The following SVEP1 variants were observed in gnomAD, a reference collection of about 807,000 sequenced individuals.
The protein encoded by SVEP1 is sushi, von Willebrand factor type A, EGF and pentraxin domain-containing protein 1.
Under a neutral mutation model 367.3 loss-of-function variants are expected in SVEP1, and 164 were observed. That is an observed-to-expected ratio of 0.45 (90% CI 0.39 to 0.51). The LOEUF is 0.51. Among genes scored for constraint, SVEP1 ranks in the 20% least tolerant of loss-of-function variants. The probability of loss-of-function intolerance (pLI) is 0.00; values close to 1 mark genes in which losing one functional copy is unlikely to be tolerated. For synonymous variants in SVEP1, 1,666 were observed against 1,611.6 expected, an observed-to-expected ratio of 1.03 and a Z score of -0.81; for missense variants, 4,117 against 4,425.3, an observed-to-expected ratio of 0.93 and a Z score of 1.98.
At chr9:110,393,559 C>A (rs945671069) in intron 40 of SVEP1, among the ~76,000 whole-genome samples, 9 of 152,212 alleles carry the variant, frequency 5.9e-5, no homozygotes, top group Non-Finnish European at 1.3e-4. Context: ...CAGAATGAGG[C>A]ATCGCCTCAC....
rs377500980 is a variant in SVEP1, at chr9:110,476,897, C to T, written c.2488-582G>A. On this transcript the variant is annotated intron_variant, in intron 13 of 47. Transcript: ENST00000374469. ...TTCCAGATCAAACTCCCTCATATCC[C>T]CTTAAAGGCTCACAGTTCTGAAGCT... 9.9e-5 allele frequency among the ~76,000 whole-genome samples: 15 copies of T among 152,262 alleles called. No homozygotes were observed. In the East Asian group the frequency reaches 2.9e-3, roughly 29 times the overall value.
Position 110,390,341 on chromosome 9 carries a change from T to TTATATATATAATTATATAAGTA in SVEP1, c.9823-755_9823-754insTACTTATATAATTATATATATA. ...TATATATACTTATATATACACATAC[T>TTATATATATAATTATATAAGTA]TATATACACTTATATATATATACTT... On this transcript the variant is annotated intron_variant, in intron 40 of 47. Coordinates refer to ENST00000374469, the MANE Select transcript of SVEP1 (RefSeq NM_153366.4). 6.6e-5 allele frequency among the ~76,000 whole-genome samples: 2 copies of TTATATATATAATTATATAAGTA among 30,424 alleles called. 1 individual carries two copies. Among genetic ancestry groups the TTATATATATAATTATATAAGTA allele is most frequent in the Non-Finnish European group, 1.2e-4 (2 of 16,824 alleles). The allele number at this position is 30,424 out of a possible 152,430, so 20.0% of individuals were successfully genotyped here.
At chr9:110,539,356 G>C (rs1169040015) in intron 3 of SVEP1, among the ~76,000 whole-genome samples, 2 of 152,136 alleles carry the variant, frequency 1.3e-5, no homozygotes, top group Admixed American at 6.6e-5. Flanking sequence ...GAATAAAGGA[G>C]AGGTCAAGTC....
At chr9:110,446,728 G>T (rs1828606288) in intron 25 of SVEP1, among the ~76,000 whole-genome samples, 172 bp downstream of exon 25, 1 of 152,112 alleles carries the variant, frequency 6.6e-6, no homozygotes, top group African/African-American at 2.4e-5. Context: ...TGCCACTGAG[G>T]ATAATAGTAG....
chr9:110,438,250 G>A (rs1031327181), intron 27 of SVEP1, among the ~76,000 whole-genome samples: 4 of 137,304 alleles, frequency 2.9e-5, no homozygotes, highest in East Asian at 2.3e-4. Flanking sequence ...GCAGTGGTGC[G>A]ATCTCAGCTC....
chr9:110,488,034 G>C (rs190417991), intron 9 of SVEP1, among the ~76,000 whole-genome samples: 202 of 152,302 alleles, frequency 1.3e-3, no homozygotes, highest in Non-Finnish European at 2.2e-3. Context: ...TCAAAGGACT[G>C]ATCCGCAGCG....
chr9:110,529,134 C>G (rs1829983769), intron 3 of SVEP1, among the ~76,000 whole-genome samples: 1 of 152,048 alleles, frequency 6.6e-6, no homozygotes, highest in South Asian at 2.1e-4. Context: ...AATAGGGTGT[C>G]CTTTCCCCAG....
intron 21 of SVEP1, 86 bp downstream of exon 21, chr9:110,457,170 T>G (rs376759422): frequency 2.8e-6 from 3 of 1,075,026 alleles, no homozygotes; most frequent in Non-Finnish European, 4.0e-6. Context: ...TTATCGGATA[T>G]AGTTAATGTA....
At position 110,510,410 on chromosome 9, in the gene SVEP1, T is replaced by G. The variant is rs551600210; in HGVS notation, c.1303+2516A>C. Among the ~76,000 whole-genome samples the G allele has an allele frequency of 5.3e-5, 8 of 152,328 alleles. No homozygotes were observed. The East Asian group carries it at 1.5e-3, about 29-fold the overall frequency. Reference sequence around the variant, plus strand: ...TGCATGGTGACTGTGCTTCCTTGACTGACCCTGACACATAGCATAAGAAAC... The same window carrying G: ...TGCATGGTGACTGTGCTTCCTTGACGGACCCTGACACATAGCATAAGAAAC... On this transcript the variant is annotated intron_variant, in intron 5 of 47. Coordinates refer to ENST00000374469, the MANE Select transcript of SVEP1 (RefSeq NM_153366.4).
chr9:110,466,007 G>A lies in SVEP1; in HGVS notation c.3180C>T (p.Thr1060=). The A allele has an allele frequency of 6.2e-7, 1 of 1,613,358 alleles. No individual in the cohort carries two copies. The highest frequency in any genetic ancestry group is 2.2e-5 in the East Asian group (1 of 44,878). The change falls in exon 18 of 48, where the codon ACC becomes ACT. Residue 1060 remains threonine (T), a synonymous_variant. Transcript: ENST00000374469. ...AAGTCTCAAGTCCACTGTATGAGTA[G>A]GTGCCTTGTTTACACTGAGCTGAAA... ...SDCKAQCKQG[T]YSYSGLETCE...
At position 110,445,976 on chromosome 9, in the gene SVEP1, C is replaced by T. The variant is rs1264875312; in HGVS notation, c.4324G>A (p.Asp1442Asn). The stretch of plus-strand genomic sequence containing the variant: ...GCATGGAGAGATGGGAGCATGCCAT[C>T]TAGCATGACATATCCATAGATGCCA... Reference protein sequence around the residue: ...VSGIYGYVMLDGMLPSLHALT... With the variant: ...VSGIYGYVMLNGMLPSLHALT... The change falls in exon 26 of 48, where the codon GAT becomes AAT. Residue 1442 changes from aspartate to asparagine, a missense_variant. Physicochemically the swap from Asp to Asn is conservative, Grantham distance 23. This residue lies in a region of SVEP1 where 2,174 missense variants were observed against 2,494.3 expected (regional missense o/e 0.87). Transcript: ENST00000374469. 1.2e-6 allele frequency: 2 copies of T among 1,613,728 alleles called. No homozygotes were observed. Among genetic ancestry groups the T allele is most frequent in the African/African-American group, 2.7e-5 (2 of 74,906 alleles).
intron 4 of SVEP1, among the ~76,000 whole-genome samples, 152 bp downstream of exon 4, chr9:110,513,796 A>G (rs1291064528): frequency 2.0e-5 from 3 of 152,204 alleles, no homozygotes; most frequent in Non-Finnish European, 4.4e-5. Flanking sequence ...TAAGAATGTT[A>G]TAAAAGCAAA....
intron 27 of SVEP1, among the ~76,000 whole-genome samples, chr9:110,439,097 C>G (rs1190008271): frequency 6.6e-6 from 1 of 152,150 alleles, no homozygotes; most frequent in Non-Finnish European, 1.5e-5. Context: ...GTGTCCCCGC[C>G]AAATTTATAT....
Position 110,503,102 on chromosome 9 carries a change from T to C in SVEP1, c.1419A>G (p.Glu473=). ...LVACDEGYRL[E]GSDKLTCQGN... Reference sequence around the variant, plus strand: ...CTTGACAAGTAAGCTTATCACTGCCTTCTAGTCTGTACCCTTCATCACAGG... The same window carrying C: ...CTTGACAAGTAAGCTTATCACTGCCCTCTAGTCTGTACCCTTCATCACAGG... The change falls in exon 6 of 48, where the codon GAA becomes GAG. Residue 473 remains glutamate, a synonymous_variant. Coordinates refer to ENST00000374469, the MANE Select transcript of SVEP1 (RefSeq NM_153366.4). The C allele has an allele frequency of 1.9e-6, 3 of 1,614,014 alleles. No homozygotes were observed. The South Asian group carries it at 3.3e-5, about 18-fold the overall frequency.
At chr9:110,547,260 G>A (rs534741940) in intron 2 of SVEP1, among the ~76,000 whole-genome samples, 132 of 152,128 alleles carry the variant, frequency 8.7e-4, no homozygotes, top group Non-Finnish European at 1.6e-3. Flanking sequence ...CTGTGGTGTG[G>A]GTAAAAGATC....
At chr9:110,489,622 G>A in intron 9 of SVEP1, 28 bp downstream of exon 9, 1 of 1,593,638 alleles carries the variant, frequency 6.3e-7, no homozygotes, top group Non-Finnish European at 8.6e-7. Flanking sequence ...ACGTTTGGAT[G>A]GGGAAACAAC....
At chr9:110,383,527 G>T (rs1329133384) in intron 43 of SVEP1, among the ~76,000 whole-genome samples, 4 of 59,688 alleles carry the variant, frequency 6.7e-5, no homozygotes, top group Admixed American at 6.5e-4. Context: ...GACCCCTGTT[G>T]TGGGGGGGTC....
intron 44 of SVEP1, among the ~76,000 whole-genome samples, chr9:110,378,113 T>C (rs995864035): frequency 2.0e-5 from 3 of 149,604 alleles, no homozygotes; most frequent in Non-Finnish European, 4.4e-5. Context: ...GTCTATCTAA[T>C]CTATCTTCTT....
chr9:110,552,799 TG>T (rs1313838456), intron 1 of SVEP1, among the ~76,000 whole-genome samples: 1 of 152,174 alleles, frequency 6.6e-6, no homozygotes, highest in East Asian at 1.9e-4. Context: ...GCCTGGGTAC[TG>T]GGGCCCCCTG....
Sources: gnomAD v4.1 joint callset for allele counts (sites outside exome capture counted in the v4.1 genomes callset) on GRCh38, gnomAD v4.1.1 for gene constraint, gnomAD v4.1.1 regional missense constraint, MANE v1.5 for transcripts, NCBI Gene and HGNC (gene_info 2026-07-23, HGNC 2026-07-21) for gene names.